The following TNR variants were observed in gnomAD, a reference collection of about 807,000 sequenced individuals.
The protein encoded by TNR is tenascin R.
TNR carries 45 observed loss-of-function variants against 150.4 expected under a neutral mutation model. The observed-to-expected ratio is 0.30, with a 90% CI of 0.24 to 0.38. The LOEUF is 0.38. Among genes scored for constraint, TNR ranks in the 10% least tolerant of loss-of-function variants. TNR has a pLI of 1.00. For synonymous variants in TNR, 687 were observed against 678.4 expected (o/e 1.01, Z -0.20); for missense variants, 1,544 against 1,759.1 (o/e 0.88, Z 2.19).
At chr1:175,737,509 A>G (rs1667804407) in intron 1 of TNR, among the ~76,000 whole-genome samples, 1 of 152,164 alleles carries the variant, frequency 6.6e-6, no homozygotes, top group South Asian at 2.1e-4. Context: ...GTGAATTTTT[A>G]GGTGGACTAG....
Position 175,406,548 on chromosome 1 carries a change from G to A in TNR, c.167C>T (p.Thr56Ile), listed in dbSNP as rs754788594. Residue 56 changes from threonine (T) to isoleucine (I), a missense_variant, in exon 3 of 23, where the codon ACA becomes ATA. This residue lies in a region of TNR where 1,254 missense variants were observed against 1,329.4 expected (regional missense o/e 0.94). Transcript: ENST00000367674. ...GACCACAGGCTGCTCTTTGCTGGAT[G>A]TGTTGTAGTTGGCAATGCCTCCCTC... is the stretch of plus-strand genomic sequence containing the variant. Reference protein sequence around the residue: ...EEEGGIANYNTSSKEQPVVFN... With the variant: ...EEEGGIANYNISSKEQPVVFN... 1.2e-5 allele frequency: 19 copies of A among 1,614,076 alleles called. No homozygotes were observed. In the Middle Eastern group the frequency reaches 4.9e-4, roughly 42 times the overall value.
chr1:175,337,291 G>C (rs1650296323), intron 19 of TNR, among the ~76,000 whole-genome samples: 2 of 152,184 alleles, frequency 1.3e-5, no homozygotes, highest in Admixed American at 1.3e-4. Flanking sequence ...CTGCTTAACT[G>C]TCCTTTCCTC....
intron 1 of TNR, among the ~76,000 whole-genome samples, chr1:175,533,061 G>C (rs1557990908): frequency 6.6e-6 from 1 of 152,182 alleles, no homozygotes; most frequent in Non-Finnish European, 1.5e-5. Flanking sequence ...TGCCACAAAT[G>C]CTTTGCGCTT....
At chr1:175,715,054 C>G (rs952850918) in intron 1 of TNR, among the ~76,000 whole-genome samples, 5 of 152,196 alleles carry the variant, frequency 3.3e-5, no homozygotes, top group African/African-American at 1.2e-4. Context: ...GGTCCCAGGA[C>G]CAGCAGCTTC....
chr1:175,496,642 C>T (rs907287928), intron 2 of TNR, among the ~76,000 whole-genome samples: 2 of 152,196 alleles, frequency 1.3e-5, no homozygotes, highest in Non-Finnish European at 2.9e-5. Flanking sequence ...CAAGACCATT[C>T]TGTGAGGCTA....
chr1:175,709,308 T>TACACACACACACACACACACAC (rs371591261), intron 1 of TNR, among the ~76,000 whole-genome samples: 3 of 127,824 alleles, frequency 2.3e-5, no homozygotes, highest in African/African-American at 9.2e-5. Context: ...CACACACACA[T>TACACACACACACACACACACAC]ACACACACAC....
intron 2 of TNR, among the ~76,000 whole-genome samples, chr1:175,520,889 T>A (rs1339670238): frequency 6.6e-6 from 1 of 152,190 alleles, no homozygotes; most frequent in East Asian, 1.9e-4. Context: ...TCTGTGGTCC[T>A]TAGACAGAAA....
chr1:175,480,645 C>T (rs859416), intron 2 of TNR, among the ~76,000 whole-genome samples: 2,263 of 152,250 alleles, frequency 0.015, 56 homozygotes, highest in African/African-American at 0.051. Context: ...AGTTCCCACA[C>T]GCTATGTGAG....
chr1:175,497,983 T>C (rs1289595838), intron 2 of TNR, among the ~76,000 whole-genome samples: 1 of 151,930 alleles, frequency 6.6e-6, no homozygotes, highest in Non-Finnish European at 1.5e-5. Flanking sequence ...TCGCTTGAAC[T>C]CAGGAGGTGG....
intron 1 of TNR, among the ~76,000 whole-genome samples, chr1:175,545,402 G>A (rs1041825729): frequency 8.4e-6 from 1 of 119,370 alleles, no homozygotes; most frequent in African/African-American, 2.7e-5. Flanking sequence ...ACTGTGAAAA[G>A]AAAGAAATAT....
chr1:175,392,184 T>C (rs1653202717), intron 6 of TNR, among the ~76,000 whole-genome samples: 1 of 61,120 alleles, frequency 1.6e-5, no homozygotes, highest in African/African-American at 5.7e-5. Context: ...TATCTATCTT[T>C]CTATCTTATC....
intron 2 of TNR, among the ~76,000 whole-genome samples, chr1:175,436,958 A>C (rs901694041): frequency 6.6e-6 from 1 of 152,208 alleles, no homozygotes; most frequent in African/African-American, 2.4e-5. Context: ...CATTGTCAAC[A>C]TTAGACAGAT....
At chr1:175,584,982 T>C (rs1662509163) in intron 1 of TNR, among the ~76,000 whole-genome samples, 1 of 152,226 alleles carries the variant, frequency 6.6e-6, no homozygotes, top group African/African-American at 2.4e-5. Context: ...GGGGTGTGTC[T>C]GCACGTCATT....
chr1:175,341,952 A>G (rs2282732), intron 18 of TNR, among the ~76,000 whole-genome samples: 113,129 of 152,240 alleles, frequency 0.74, 42,185 homozygotes, highest in East Asian at 0.8. Flanking sequence ...TGCCAACAGG[A>G]CAAGGTTACC....
At chr1:175,459,044 A>G (rs1450930010) in intron 2 of TNR, among the ~76,000 whole-genome samples, 1 of 151,878 alleles carries the variant, frequency 6.6e-6, no homozygotes, top group African/African-American at 2.4e-5. Context: ...TGTTGCCTCT[A>G]CTATTACCAC....
chr1:175,364,948 ATT>A, intron 12 of TNR, 60 bp downstream of exon 12: 1 of 1,518,766 alleles, frequency 6.6e-7, no homozygotes, highest in Non-Finnish European at 8.8e-7. Context: ...AATTTCATTG[ATT>A]TGTCAAAGGC....
intron 2 of TNR, among the ~76,000 whole-genome samples, chr1:175,457,656 AG>A (rs1656625664): frequency 6.6e-6 from 1 of 152,246 alleles, no homozygotes; most frequent in Admixed American, 6.5e-5. Context: ...AAAAACAGAA[AG>A]AAAAAAGAGC....
intron 18 of TNR, among the ~76,000 whole-genome samples, chr1:175,341,763 G>A (rs1224467195): frequency 6.6e-6 from 1 of 152,230 alleles, no homozygotes; most frequent in Non-Finnish European, 1.5e-5. Context: ...GCCTCAGCAG[G>A]TTTCTCTGTA....
chr1:175,548,637 C>T (rs2102197243), intron 1 of TNR, among the ~76,000 whole-genome samples: 1 of 149,376 alleles, frequency 6.7e-6, no homozygotes, highest in African/African-American at 2.5e-5. Flanking sequence ...GCTACTGGCT[C>T]TCCTCCTGGT....
Sources: allele counts gnomAD v4.1 joint callset (sites outside exome capture counted in the v4.1 genomes callset), GRCh38; gene constraint gnomAD v4.1.1; regional missense constraint gnomAD v4.1.1; transcripts MANE v1.5; gene names NCBI Gene and HGNC (gene_info 2026-07-23, HGNC 2026-07-21).